Variants in SEC24B observed in about 807,000 individuals in gnomAD.
SEC24B encodes the protein SEC24 homolog B, COPII component.
A neutral mutation model predicts 142.8 loss-of-function variants in SEC24B; 45 were observed. That is an observed-to-expected ratio of 0.32 (90% confidence interval 0.25 to 0.40). The LOEUF (loss-of-function observed/expected upper bound fraction) is 0.40. SEC24B is among the 10% of genes least tolerant of loss of function. SEC24B has a pLI of 1.00. For missense variants in SEC24B, 1,409 were observed against 1,526.8 expected (o/e 0.92, Z 1.29); for synonymous variants, 574 against 568.2 (o/e 1.01, Z -0.15).
At chr4:109,477,859 T>C (rs1336536295) in intron 3 of SEC24B, among the ~76,000 whole-genome samples, 2 of 152,190 alleles carry the variant, frequency 1.3e-5, no homozygotes, top group East Asian at 3.8e-4. Flanking sequence ...CTATATTTTA[T>C]CATGAAAAGG....
In SEC24B at chr4:109,483,058, A is replaced by ATATATATATATGTATTTATTTATGTATT. The variant is rs1554001241; in HGVS notation, c.1165+1288_1165+1289insGTATTTATTTATGTATTTATATATATAT. Among the ~76,000 whole-genome samples, 964 of 137,270 alleles carry ATATATATATATGTATTTATTTATGTATT rather than the reference A, an allele frequency of 7.0e-3. 28 individuals carry two copies. Among genetic ancestry groups the ATATATATATATGTATTTATTTATGTATT allele is most frequent in the African/African-American group, 0.024 (873 of 36,888 alleles). The allele number at this position is 137,270 out of a possible 152,430, so 90.1% of individuals were successfully genotyped here. A position where few individuals can be genotyped will look rare whatever the true frequency, so the allele number is the denominator to read the frequency against. ...TTTATATATATGTATTTATGTATTT[A>ATATATATATATGTATTTATTTATGTATT]TATATATATATATATGTATGTATAT... On this transcript the variant is annotated intron_variant, in intron 4 of 23. Coordinates refer to ENST00000265175, the MANE Select transcript of SEC24B (RefSeq NM_006323.5).
At chr4:109,539,272 A>AT (rs368386488) in intron 23 of SEC24B, among the ~76,000 whole-genome samples, 200 of 143,512 alleles carry the variant, frequency 1.4e-3, no homozygotes, top group Middle Eastern at 7.3e-3. Flanking sequence ...AATTTTAAAA[A>AT]TTTTTTTTTT....
At position 109,499,920 on chromosome 4, in the gene SEC24B, C is replaced by G. The variant is rs191128329; in HGVS notation, c.1488+5064C>G. Reference sequence around the variant, plus strand: ...CTCACACAGGTCCTCCAGGAAGAATCCAGAAGAAGGCATTGTTATCACAGG... The same window carrying G: ...CTCACACAGGTCCTCCAGGAAGAATGCAGAAGAAGGCATTGTTATCACAGG... On this transcript the variant is annotated intron_variant, in intron 6 of 23. Transcript: ENST00000265175. Among the ~76,000 whole-genome samples the G allele has an allele frequency of 2.6e-3, 389 of 152,186 alleles. 1 individual carries two copies. Among genetic ancestry groups the G allele is most frequent in the Non-Finnish European group, 4.8e-3 (324 of 68,000 alleles).
At chr4:109,474,961 T>C (rs1021150614) in intron 3 of SEC24B, among the ~76,000 whole-genome samples, 4 of 152,222 alleles carry the variant, frequency 2.6e-5, no homozygotes, top group South Asian at 4.1e-4. Context: ...TATTCTTCCT[T>C]TTTTACAGAT....
chr4:109,491,440 T>C (rs768120445), intron 5 of SEC24B, 33 bp downstream of exon 5: 1 of 1,478,896 alleles, frequency 6.8e-7, no homozygotes, highest in South Asian at 1.1e-5. Flanking sequence ...GATCTTCATT[T>C]TGAAAGTTAT....
At chr4:109,437,310 G>A (rs1297974351) in intron 1 of SEC24B, among the ~76,000 whole-genome samples, 2 of 152,036 alleles carry the variant, frequency 1.3e-5, no homozygotes, top group Non-Finnish European at 2.9e-5. Flanking sequence ...TTAGAGACAG[G>A]GTGTCACTCT....
rs751820932 is a variant in SEC24B, at chr4:109,525,524, A to G, written c.2791+20A>G. The G allele has an allele frequency of 2.0e-6, 3 of 1,524,862 alleles. No individual in the cohort carries two copies. Among genetic ancestry groups the G allele is most frequent in the South Asian group, 2.5e-5 (2 of 80,940 alleles). The allele number at this position is 1,524,862 out of a possible 1,614,324, so 94.5% of individuals were successfully genotyped here. Reference sequence around the variant, plus strand: ...CTAAAGGTATGAAGTTGTAAAAGTTATATTTTATATTAAATACTTGTATCA... The same window carrying G: ...CTAAAGGTATGAAGTTGTAAAAGTTGTATTTTATATTAAATACTTGTATCA... On this transcript the variant is annotated intron_variant, in intron 16 of 23. Transcript: ENST00000265175.
chr4:109,494,826 G>C lies in SEC24B; in HGVS notation c.1458G>C (p.Pro486=). 4.3e-6 allele frequency: 7 copies of C among 1,613,942 alleles called. No homozygotes were observed. Among genetic ancestry groups the C allele is most frequent in the Non-Finnish European group, 5.9e-6 (7 of 1,179,846 alleles). The change falls in exon 6 of 24, where the codon CCG becomes CCC. Residue 486 remains proline (P), a synonymous_variant. Transcript: ENST00000265175. The part of the protein sequence containing the change: ...PLISGVQPSN[P]VYSGFQQYPQ... The stretch of plus-strand genomic sequence containing the variant: ...TTTCTGGAGTACAGCCCAGTAACCC[G>C]GTATATTCTGGATTCCAGCAGTATC...
At chr4:109,451,365 T>C (rs1287127906) in intron 1 of SEC24B, among the ~76,000 whole-genome samples, 2 of 151,700 alleles carry the variant, frequency 1.3e-5, no homozygotes, top group Admixed American at 6.6e-5. Context: ...TAATTTTTTT[T>C]TTTTTTTTTT....
At chr4:109,495,718 T>A (rs146448518) in intron 6 of SEC24B, among the ~76,000 whole-genome samples, 22 of 152,314 alleles carry the variant, frequency 1.4e-4, no homozygotes, top group Middle Eastern at 3.4e-3. Flanking sequence ...TGTCTGCTCG[T>A]GTGACTGGCA....
intron 1 of SEC24B, among the ~76,000 whole-genome samples, chr4:109,461,252 C>T (rs1249913419): frequency 6.6e-6 from 1 of 152,130 alleles, no homozygotes; most frequent in Non-Finnish European, 1.5e-5. Context: ...AGTATTGGGA[C>T]AATGAGGCAA....
chr4:109,482,073 T>G (rs1435147457), intron 4 of SEC24B, among the ~76,000 whole-genome samples: 5 of 152,244 alleles, frequency 3.3e-5, no homozygotes, highest in Non-Finnish European at 7.3e-5. Flanking sequence ...TGCAAAATAA[T>G]GAGTACTGAC....
Position 109,511,859 on chromosome 4 carries a change from A to G in SEC24B, c.1777-98A>G, listed in dbSNP as rs892621516. The G allele has an allele frequency of 2.2e-5, 27 of 1,227,198 alleles. No individual in the cohort carries two copies. In the African/African-American group the frequency reaches 3.8e-4, roughly 17 times the overall value. 76.0% of individuals were successfully genotyped at this position (1,227,198 alleles called of 1,614,324 possible). Reference sequence around the variant, plus strand: ...TTCCATATAAAACCACATAAAAACAATTAAGGTTTATGTTCTGTATTTGGA... The same window carrying G: ...TTCCATATAAAACCACATAAAAACAGTTAAGGTTTATGTTCTGTATTTGGA... On this transcript the variant is annotated intron_variant, in intron 8 of 23. Coordinates refer to ENST00000265175, the MANE Select transcript of SEC24B (RefSeq NM_006323.5).
chr4:109,526,111 C>T, intron 16 of SEC24B, 115 bp from the exon 17 acceptor site: 2 of 968,626 alleles, frequency 2.1e-6, no homozygotes, highest in South Asian at 1.5e-5. Context: ...AACCTTGACT[C>T]CCCAGTTATC....
intron 1 of SEC24B, among the ~76,000 whole-genome samples, 195 bp downstream of exon 1, chr4:109,434,197 G>C (rs1278560618): frequency 6.6e-6 from 1 of 151,394 alleles, no homozygotes; most frequent in African/African-American, 2.4e-5. Flanking sequence ...GGCACGGCGC[G>C]GGGCGCGCGG....
At chr4:109,519,199 G>A (rs1157619462) in intron 11 of SEC24B, among the ~76,000 whole-genome samples, 1 of 152,106 alleles carries the variant, frequency 6.6e-6, no homozygotes, top group Non-Finnish European at 1.5e-5. Flanking sequence ...GATGGAGCAA[G>A]CTCCTATTCC....
intron 3 of SEC24B, among the ~76,000 whole-genome samples, chr4:109,474,085 C>G (rs577713667): frequency 1.3e-5 from 2 of 152,136 alleles, no homozygotes; most frequent in South Asian, 4.1e-4. Context: ...CAACAGAGAC[C>G]TTTCTGTCAA....
At chr4:109,466,950 T>A (rs1416849448) in intron 2 of SEC24B, among the ~76,000 whole-genome samples, 1 of 152,258 alleles carries the variant, frequency 6.6e-6, no homozygotes, top group African/African-American at 2.4e-5. Context: ...AGGGGACCTT[T>A]AAATATTATC....
Position 109,505,350 on chromosome 4 carries a change from CTA to C in SEC24B, c.1489-976_1489-975del, listed in dbSNP as rs1175455984. On this transcript the variant is annotated intron_variant, in intron 6 of 23. Transcript: ENST00000265175. ...GGATATAACGTAAGGACAAAAAGAACTATGAAAAATTTAATAATCTGACATAA... is the reference window on the plus strand; with the variant it reads ...GGATATAACGTAAGGACAAAAAGAACTGAAAAATTTAATAATCTGACATAA... Among the ~76,000 whole-genome samples, 5 of 151,884 alleles carry C rather than the reference CTA, an allele frequency of 3.3e-5. No homozygotes were observed. The East Asian group carries it at 7.7e-4, about 23-fold the overall frequency.
Sources: allele counts gnomAD v4.1 joint callset (sites outside exome capture counted in the v4.1 genomes callset), GRCh38; gene constraint gnomAD v4.1.1; transcripts MANE v1.5; gene names NCBI Gene and HGNC (gene_info 2026-07-23, HGNC 2026-07-21).